CSMD2: variants seen among roughly 807,000 people sequenced by gnomAD.
CSMD2 encodes the protein CUB and sushi domain-containing protein 2.
A neutral mutation model predicts 398.5 loss-of-function variants in CSMD2; 130 were observed. That is an observed-to-expected ratio of 0.33 (90% CI 0.28 to 0.38). The LOEUF (loss-of-function observed/expected upper bound fraction) is 0.38. Among genes scored for constraint, CSMD2 ranks in the 10% least tolerant of loss-of-function variants. The probability of loss-of-function intolerance (pLI) is 1.00; values close to 1 mark genes in which losing one functional copy is unlikely to be tolerated. For synonymous variants in CSMD2, 1,828 were observed against 1,908.5 expected, an observed-to-expected ratio of 0.96 and a Z score of 1.10; for missense variants, 3,829 against 4,764.9, an observed-to-expected ratio of 0.80 and a Z score of 5.78.
At chr1:33,755,405 C>G (rs1240191518) in intron 13 of CSMD2, among the ~76,000 whole-genome samples, 2 of 152,150 alleles carry the variant, frequency 1.3e-5, no homozygotes, top group African/African-American at 4.8e-5. Flanking sequence ...TGCATCAGGG[C>G]AAAGCTAGTT....
At chr1:33,872,501 C>T (rs1464646548) in intron 5 of CSMD2, among the ~76,000 whole-genome samples, 1 of 152,062 alleles carries the variant, frequency 6.6e-6, no homozygotes, top group African/African-American at 2.4e-5. Flanking sequence ...CCTCATAGAT[C>T]CTCCAGATCA....
Position 33,869,543 on chromosome 1 carries a change from C to A in CSMD2, c.921-22547G>T, listed in dbSNP as rs145068783. Among the ~76,000 whole-genome samples the A allele has an allele frequency of 2.0e-5, 3 of 152,314 alleles. No homozygotes were observed. The East Asian group carries it at 5.8e-4, about 29-fold the overall frequency. ...TTTAAGCCTGTGTTAGAATCACCTG[C>A]AGGGCTTATTAAAACACAGATTGCC... On this transcript the variant is annotated intron_variant, in intron 5 of 70. Transcript: ENST00000373381.
chr1:34,095,844 G>A lies in CSMD2; in HGVS notation c.188-6651C>T, dbSNP rs1434378204. Among the ~76,000 whole-genome samples, 56 of 151,596 alleles carry A rather than the reference G, an allele frequency of 3.7e-4. 2 individuals carry two copies. In the South Asian group the frequency reaches 0.012, roughly 32 times the overall value. On this transcript the variant is annotated intron_variant, in intron 1 of 70. Coordinates refer to ENST00000373381, the MANE Select transcript of CSMD2 (RefSeq NM_001281956.2). Reference sequence around the variant, plus strand: ...TCTACCAGAGGTACAAGGAGGAACTGGTACCATTCCTTCTGAAACTATTCC... The same window carrying A: ...TCTACCAGAGGTACAAGGAGGAACTAGTACCATTCCTTCTGAAACTATTCC...
At chr1:33,652,808 G>A (rs1052422513) in intron 27 of CSMD2, among the ~76,000 whole-genome samples, 8 of 152,216 alleles carry the variant, frequency 5.3e-5, no homozygotes, top group Admixed American at 5.2e-4. Flanking sequence ...AGGCTGGATT[G>A]CAGTAGCGCG....
chr1:34,106,564 A>T (rs10914863), intron 1 of CSMD2, among the ~76,000 whole-genome samples: 62,021 of 151,814 alleles, frequency 0.41, 13,273 homozygotes, highest in East Asian at 0.68. Flanking sequence ...AATATTTCAC[A>T]CACATCATCT....
chr1:34,077,885 T>C lies in CSMD2; in HGVS notation c.404+11092A>G, dbSNP rs147868526. On this transcript the variant is annotated intron_variant, in intron 2 of 70. Coordinates refer to ENST00000373381, the MANE Select transcript of CSMD2 (RefSeq NM_001281956.2). ...ACAACTAGAAGCCCAAACCCCTCCATTGTGCAATGTATCCATGTAAAGAAC... is the reference window on the plus strand; with the variant it reads ...ACAACTAGAAGCCCAAACCCCTCCACTGTGCAATGTATCCATGTAAAGAAC... Among the ~76,000 whole-genome samples the C allele has an allele frequency of 3.5e-3, 530 of 152,270 alleles. 12 individuals carry two copies. The South Asian group carries it at 0.044, about 13-fold the overall frequency.
chr1:33,745,207 T>C lies in CSMD2; in HGVS notation c.1847-1601A>G, dbSNP rs575213444. ...AAAATTATATGCATGCTTTTGATTA[T>C]AGCTATTAAATATTTGTTTATAAAT... On this transcript the variant is annotated intron_variant, in intron 13 of 70. Transcript: ENST00000373381. Among the ~76,000 whole-genome samples, 6 of 152,370 alleles carry C rather than the reference T, an allele frequency of 3.9e-5. No homozygotes were observed. In the East Asian group the frequency reaches 1.2e-3, roughly 29 times the overall value.
At chr1:34,130,937 GA>G (rs1571215942) in intron 1 of CSMD2, among the ~76,000 whole-genome samples, 1 of 151,996 alleles carries the variant, frequency 6.6e-6, no homozygotes, top group East Asian at 1.9e-4. Context: ...CAGGAATCAA[GA>G]AAAAAATATG....
Position 33,716,311 on chromosome 1 carries a change from A to G in CSMD2, c.3192T>C (p.Tyr1064=). ...CTGAGAAGGTGATGTTGAATCCTTC[A>G]TATGACATGGAGAAATCAGAGATGA... is the stretch of plus-strand genomic sequence containing the variant. ...VRFISDFSMS[Y]EGFNITFSEY... The change falls in exon 20 of 71, where the codon TAT becomes TAC. Residue 1064 remains tyrosine, a synonymous_variant. Transcript: ENST00000373381. 3 of 1,614,190 alleles carry G rather than the reference A, an allele frequency of 1.9e-6. No individual in the cohort carries two copies. The African/African-American group carries it at 4.0e-5, about 22-fold the overall frequency.
intron 22 of CSMD2, among the ~76,000 whole-genome samples, chr1:33,703,340 C>T (rs1215989054): frequency 6.6e-6 from 1 of 152,168 alleles, no homozygotes; most frequent in East Asian, 1.9e-4. Flanking sequence ...GTGTCTAGCT[C>T]CATTTAATCA....
At chr1:33,550,414 A>C in intron 55 of CSMD2, 64 bp from the exon 56 acceptor site, 1 of 1,492,048 alleles carries the variant, frequency 6.7e-7, no homozygotes, top group Non-Finnish European at 9.2e-7. Context: ...CACACAATCC[A>C]TGCTAGGCTT....
chr1:33,743,750 T>C lies in CSMD2; in HGVS notation c.1847-144A>G. On this transcript the variant is annotated intron_variant, in intron 13 of 70. Transcript: ENST00000373381. ...AAGGGTTGGGCTGGACTGGCTGGGC[T>C]CTGAGCTCCAGGTGGGGAGACATGC... 4 of 644,874 alleles carry C rather than the reference T, an allele frequency of 6.2e-6. 1 individual carries two copies. In the South Asian group the frequency reaches 8.5e-5, roughly 14 times the overall value. 39.9% of individuals were successfully genotyped at this position (644,874 alleles called of 1,614,324 possible).
chr1:33,790,629 C>T (rs1164391393), intron 11 of CSMD2, among the ~76,000 whole-genome samples: 1 of 151,922 alleles, frequency 6.6e-6, no homozygotes, highest in Admixed American at 6.6e-5. Flanking sequence ...CAATTCTTTA[C>T]AACAAATTAT....
intron 5 of CSMD2, chr1:33,870,428 G>A (rs1487079292): frequency 6.6e-6 from 1 of 152,090 alleles, no homozygotes; most frequent in East Asian, 1.9e-4. Flanking sequence ...CCTTCAGGTT[G>A]GCCCTGACCT....
At chr1:33,981,097 G>C (rs1484361044) in intron 3 of CSMD2, among the ~76,000 whole-genome samples, 2 of 152,196 alleles carry the variant, frequency 1.3e-5, no homozygotes, top group Non-Finnish European at 2.9e-5. Context: ...AGAGGAGAAA[G>C]TGCAGGGACC....
rs1297912091 is a variant in CSMD2, at chr1:33,697,713, C to T, written c.3925+1040G>A. Among the ~76,000 whole-genome samples the T allele has an allele frequency of 3.3e-5, 5 of 152,258 alleles. No homozygotes were observed. The East Asian group carries it at 9.6e-4, about 29-fold the overall frequency. On this transcript the variant is annotated intron_variant, in intron 24 of 70. Coordinates refer to ENST00000373381, the MANE Select transcript of CSMD2 (RefSeq NM_001281956.2). ...GCAAAACATTCTCATATCCTCCCAA[C>T]ATTTTGCACTTAACTCTTTTTACAG... is the stretch of plus-strand genomic sequence containing the variant.
At chr1:33,693,483 C>G (rs1481812846) in intron 24 of CSMD2, among the ~76,000 whole-genome samples, 1 of 152,174 alleles carries the variant, frequency 6.6e-6, no homozygotes, top group African/African-American at 2.4e-5. Flanking sequence ...GAACTCTCAT[C>G]ATTATTGATG....
At position 33,822,194 on chromosome 1, in the gene CSMD2, G is replaced by C. The variant is rs573542677; in HGVS notation, c.1112-1638C>G. 7.9e-5 allele frequency among the ~76,000 whole-genome samples: 12 copies of C among 152,266 alleles called. No homozygotes were observed. The East Asian group carries it at 2.1e-3, about 27-fold the overall frequency. On this transcript the variant is annotated intron_variant, in intron 7 of 70. Coordinates refer to ENST00000373381, the MANE Select transcript of CSMD2 (RefSeq NM_001281956.2). Reference sequence around the variant, plus strand: ...TGAGGACAACAAGAGCCTGGAGTGAGGCTAGACATGAGACAGCAGGAATGG... The same window carrying C: ...TGAGGACAACAAGAGCCTGGAGTGACGCTAGACATGAGACAGCAGGAATGG...
At chr1:33,520,181 C>G (rs898781371) in intron 68 of CSMD2, among the ~76,000 whole-genome samples, 32 of 152,360 alleles carry the variant, frequency 2.1e-4, no homozygotes, top group African/African-American at 7.2e-4. Flanking sequence ...GCTCAGATGG[C>G]ACCCAGAGGA....
Sources: allele counts gnomAD v4.1 joint callset (sites outside exome capture counted in the v4.1 genomes callset), GRCh38; gene constraint gnomAD v4.1.1; transcripts MANE v1.5; gene names NCBI Gene and HGNC (gene_info 2026-07-23, HGNC 2026-07-21).